KNTC1: variants seen among roughly 807,000 people sequenced by gnomAD.
KNTC1 encodes kinetochore associated 1.
KNTC1 carries 253 observed loss-of-function variants against 314.4 expected under a neutral mutation model. The ratio of observed to expected loss-of-function variants is 0.80; its 90% CI spans 0.73 to 0.89. The LOEUF is 0.89. Ranked by LOEUF, KNTC1 falls within the 40% of genes least tolerant of loss-of-function variation. The pLI is 0.00. For missense variants in KNTC1, 2,475 were observed against 2,572.9 expected (o/e 0.96, Z 0.82); for synonymous variants, 901 against 901.4 (o/e 1.00, Z 0.01).
At chr12:122,534,913 T>C in intron 3 of KNTC1, 129 bp downstream of exon 3, 2 of 917,316 alleles carry the variant, frequency 2.2e-6, no homozygotes, top group Non-Finnish European at 3.3e-6. Flanking sequence ...TTTCAAGTAA[T>C]TAAGCTTGAG....
intron 16 of KNTC1, 62 bp from the exon 17 acceptor site, chr12:122,557,322 A>C: frequency 6.6e-7 from 1 of 1,514,350 alleles, no homozygotes; most frequent in Admixed American, 2.0e-5. Context: ...TACTCTGAGA[A>C]TAAGCCATCC....
rs1449849871 is a variant in KNTC1 at position 122,626,323 on chromosome 12, A to C, written c.*95A>C. On this transcript the variant is annotated 3_prime_UTR_variant, in exon 64 of 64. Transcript: ENST00000333479. The stretch of plus-strand genomic sequence containing the variant: ...AGTTTTTAAATTGTACAATCTCTGT[A>C]TTATAGCTATTTGTCTAACATTACC... The C allele has an allele frequency of 3.6e-6, 3 of 828,530 alleles. No homozygotes were observed. The highest frequency in any genetic ancestry group is 6.0e-6 in the Non-Finnish European group (3 of 503,648). 51.3% of individuals were successfully genotyped at this position (828,530 alleles called of 1,614,324 possible).
At chr12:122,564,124 C>T (rs1489777988) in intron 20 of KNTC1, among the ~76,000 whole-genome samples, 7 of 152,004 alleles carry the variant, frequency 4.6e-5, no homozygotes, top group Admixed American at 4.6e-4. Context: ...ATTACAGGCA[C>T]CCGCCACCAC....
At chr12:122,604,797 G>A (rs1593665940) in intron 49 of KNTC1, 80 bp from the exon 50 acceptor site, 1 of 1,395,020 alleles carries the variant, frequency 7.2e-7, no homozygotes, top group East Asian at 2.5e-5. Context: ...GGGAGGGATT[G>A]TGATTGATAA....
chr12:122,527,916 A>C (rs979404098), intron 1 of KNTC1, among the ~76,000 whole-genome samples: 4 of 152,194 alleles, frequency 2.6e-5, no homozygotes, highest in African/African-American at 9.7e-5. Context: ...TTATCCATTT[A>C]ATCACTGTTT....
At position 122,584,313 on chromosome 12, in the gene KNTC1, G is replaced by C. The variant is rs756144044; in HGVS notation, c.3299G>C (p.Gly1100Ala). ...AAGTATCACTGCAATGCTGACACTGGGAAATTGCTATTTCTGACATGTCAG... is the reference window on the plus strand; with the variant it reads ...AAGTATCACTGCAATGCTGACACTGCGAAATTGCTATTTCTGACATGTCAG... ...LFKYHCNADT[G>A]KLLFLTCQKL... Residue 1100 changes from glycine to alanine, a missense_variant, in exon 35 of 64, where the codon GGG becomes GCG. Transcript: ENST00000333479. 2 of 1,613,378 alleles carry C rather than the reference G, an allele frequency of 1.2e-6. No individual in the cohort carries two copies. Among genetic ancestry groups the C allele is most frequent in the Admixed American group, 3.3e-5 (2 of 59,986 alleles).
chr12:122,617,988 C>T (rs1452861905), intron 57 of KNTC1, among the ~76,000 whole-genome samples: 2 of 152,098 alleles, frequency 1.3e-5, no homozygotes, highest in African/African-American at 4.8e-5. Flanking sequence ...AACATTTAGG[C>T]TGCAATTTAA....
At chr12:122,554,076 A>AAAAAATATATATATATATATATATAT (rs370146333) in intron 16 of KNTC1, among the ~76,000 whole-genome samples, 4 of 109,048 alleles carry the variant, frequency 3.7e-5, no homozygotes, top group African/African-American at 1.2e-4. Flanking sequence ...AAAAAAAAAA[A>AAAAAATATATATATATATATATATAT]ATATATATAT....
intron 55 of KNTC1, among the ~76,000 whole-genome samples, chr12:122,614,527 T>A (rs562056004): frequency 2.0e-5 from 3 of 152,114 alleles, no homozygotes; most frequent in Non-Finnish European, 4.4e-5. Context: ...AAAAATAATC[T>A]TTTTTGTCAT....
chr12:122,578,639 C>T (rs1965188040), intron 31 of KNTC1, among the ~76,000 whole-genome samples: 1 of 152,032 alleles, frequency 6.6e-6, no homozygotes, highest in Non-Finnish European at 1.5e-5. Flanking sequence ...AGGCTGGTCT[C>T]AAACTCCTGA....
chr12:122,618,264 G>A (rs1293978286), intron 57 of KNTC1, 79 bp from the exon 58 acceptor site: 25 of 1,267,576 alleles, frequency 2.0e-5, no homozygotes, highest in African/African-American at 5.9e-5. Flanking sequence ...GAGCCACCGC[G>A]CCTGGCCTAG....
intron 39 of KNTC1, 54 bp downstream of exon 39, chr12:122,587,928 G>T: frequency 1.4e-6 from 2 of 1,457,218 alleles, no homozygotes; most frequent in Non-Finnish European, 1.9e-6. Context: ...ATGTAAAAGC[G>T]CTAACAGAGG....
At chr12:122,591,892 C>T (rs1257732541) in intron 42 of KNTC1, among the ~76,000 whole-genome samples, 7 of 152,240 alleles carry the variant, frequency 4.6e-5, no homozygotes, top group Non-Finnish European at 7.3e-5. Context: ...TCGCTCTCGG[C>T]GCCTCCTCTG....
chr12:122,610,935 G>A (rs757095499), intron 53 of KNTC1, 35 bp downstream of exon 53: 14 of 1,451,474 alleles, frequency 9.6e-6, no homozygotes, highest in Non-Finnish European at 1.3e-5. Context: ...ACTCTTCTGT[G>A]CATCTCAGCT....
intron 42 of KNTC1, among the ~76,000 whole-genome samples, chr12:122,591,697 T>C (rs964563221): frequency 6.6e-6 from 1 of 152,172 alleles, no homozygotes; most frequent in South Asian, 2.1e-4. Flanking sequence ...ACTTTCTCAT[T>C]TATAGGTATA....
At chr12:122,555,003 C>T (rs538955661) in intron 16 of KNTC1, among the ~76,000 whole-genome samples, 77 of 152,254 alleles carry the variant, frequency 5.1e-4, no homozygotes, top group Admixed American at 2.6e-3. Flanking sequence ...TATGATTACA[C>T]CGCTGCATTT....
Position 122,597,947 on chromosome 12 carries a change from A to G in KNTC1, c.4563+9A>G. 6.2e-7 allele frequency: 1 copy of G among 1,609,850 alleles called. No individual in the cohort carries two copies. The highest frequency in any genetic ancestry group is 8.5e-7 in the Non-Finnish European group (1 of 1,176,108). On this transcript the variant is annotated intron_variant, in intron 44 of 63. Coordinates refer to ENST00000333479, the MANE Select transcript of KNTC1 (RefSeq NM_014708.6). ...GTGGAATACTACATAAGGTAGACAC[A>G]CAGTGAAATGAATCGGGTCATCTCA... is the stretch of plus-strand genomic sequence containing the variant.
rs1027717934 is a variant in KNTC1, at chr12:122,622,722, G to A, written c.6515+115G>A. On this transcript the variant is annotated intron_variant, in intron 62 of 63. Transcript: ENST00000333479. Reference sequence around the variant, plus strand: ...CTAGCACTTTGGGAAGCTGAGGTGGGTGGATCACCTGAGGTTGAGAGTTCA... The same window carrying A: ...CTAGCACTTTGGGAAGCTGAGGTGGATGGATCACCTGAGGTTGAGAGTTCA... 3.6e-5 allele frequency: 28 copies of A among 788,372 alleles called. 1 individual carries two copies. The highest frequency in any genetic ancestry group is 4.8e-5 in the Non-Finnish European group (25 of 521,082). The allele number at this position is 788,372 out of a possible 1,614,324, so 48.8% of individuals were successfully genotyped here.
intron 9 of KNTC1, 58 bp downstream of exon 9, chr12:122,546,327 T>C: frequency 9.4e-7 from 1 of 1,060,300 alleles, no homozygotes. Context: ...AATTTTTATG[T>C]CAGTGTACTT....
Sources: allele counts gnomAD v4.1 joint callset (sites outside exome capture counted in the v4.1 genomes callset), GRCh38; gene constraint gnomAD v4.1.1; transcripts MANE v1.5; gene names NCBI Gene and HGNC (gene_info 2026-07-23, HGNC 2026-07-21).